Variants in RABGEF1 observed in about 807,000 individuals in gnomAD.
The protein encoded by RABGEF1 is rab5 GDP/GTP exchange factor.
Under a neutral mutation model 57.3 loss-of-function variants are expected in RABGEF1, and 26 were observed. The ratio of observed to expected loss-of-function variants is 0.45; its 90% confidence interval spans 0.33 to 0.63. The LOEUF (loss-of-function observed/expected upper bound fraction) is 0.63, where lower values mean the gene tolerates loss of function less well. RABGEF1 is among the 20% of genes least tolerant of loss of function. The pLI, the probability that RABGEF1 is intolerant of heterozygous loss-of-function variation, is 0.02. For missense variants in RABGEF1, 464 were observed against 607.6 expected, an observed-to-expected ratio of 0.76 and a Z score of 2.48; for synonymous variants, 185 against 210.7, an observed-to-expected ratio of 0.88 and a Z score of 1.06.
intron 1 of RABGEF1, among the ~76,000 whole-genome samples, chr7:66,759,501 C>T (rs1480036344): frequency 6.6e-6 from 1 of 152,128 alleles, no homozygotes; most frequent in Admixed American, 6.6e-5. Flanking sequence ...TTCGTTCATT[C>T]TCACGTAGTT....
At chr7:66,725,196 C>A (rs1796457392) in intron 2 of RABGEF1, among the ~76,000 whole-genome samples, 1 of 152,118 alleles carries the variant, frequency 6.6e-6, no homozygotes, top group South Asian at 2.1e-4. Context: ...ACAGCTTTAT[C>A]AAGATACACT....
intron 1 of RABGEF1, among the ~76,000 whole-genome samples, chr7:66,697,038 A>C (rs1333534473): frequency 1.3e-5 from 2 of 152,178 alleles, no homozygotes; most frequent in Admixed American, 1.3e-4. Context: ...CCCTGACCCC[A>C]TGCCCCAGGG....
At chr7:66,710,811 T>C (rs1201174881) in intron 1 of RABGEF1, among the ~76,000 whole-genome samples, 1 of 152,168 alleles carries the variant, frequency 6.6e-6, no homozygotes. Flanking sequence ...AAAGATTTTC[T>C]TTCTTGGGGC....
At chr7:66,773,746 A>C (rs138725838) in intron 2 of RABGEF1, 1 of 453,526 alleles carries the variant, frequency 2.2e-6, no homozygotes, top group Admixed American at 2.4e-5. Flanking sequence ...ACTTACTGCA[A>C]CCTCTGCTTC....
intron 1 of RABGEF1, among the ~76,000 whole-genome samples, chr7:66,685,315 A>G (rs1287150266): frequency 6.6e-6 from 1 of 151,926 alleles, no homozygotes; most frequent in Non-Finnish European, 1.5e-5. Flanking sequence ...CACCATGCCC[A>G]GCTAATTACT....
rs1272987585 is a variant in RABGEF1 at position 66,805,476 on chromosome 7, CGTGACAG to C, written c.1077+85_1077+91del. ...GGGGATGTGACAGGTCACTTAGGCCCGTGACAGGTGAATGCTTCTGTGTGAGAAGGCA... is the reference window on the plus strand; with the variant it reads ...GGGGATGTGACAGGTCACTTAGGCCCGTGAATGCTTCTGTGTGAGAAGGCA... On this transcript the variant is annotated intron_variant, in intron 8 of 8. Coordinates refer to ENST00000284957, the MANE Select transcript of RABGEF1 (RefSeq NM_014504.3). 8 of 1,568,996 alleles carry C rather than the reference CGTGACAG, an allele frequency of 5.1e-6. No homozygotes were observed. The Admixed American group carries it at 1.2e-4, about 23-fold the overall frequency.
intron 1 of RABGEF1, among the ~76,000 whole-genome samples, chr7:66,683,974 C>G (rs912964140): frequency 7.2e-5 from 11 of 152,138 alleles, no homozygotes; most frequent in Non-Finnish European, 1.2e-4. Context: ...TTCCTGGACT[C>G]AAGCCATTCT....
At chr7:66,804,087 T>TG (rs1787901305) in intron 7 of RABGEF1, among the ~76,000 whole-genome samples, 1 of 134,860 alleles carries the variant, frequency 7.4e-6, no homozygotes, top group African/African-American at 2.9e-5. Context: ...AGTAGCTGGA[T>TG]TTTTTTTTTT....
chr7:66,666,496 C>T, the RABGEF1 span, among the ~76,000 whole-genome samples: 24 of 152,304 alleles, frequency 1.6e-4, no homozygotes, highest in East Asian at 7.7e-4. Flanking sequence ...GGGTGCCCAC[C>T]GCACACCCCC....
chr7:66,701,517 T>C (rs201758679), intron 1 of RABGEF1, among the ~76,000 whole-genome samples: 2 of 149,164 alleles, frequency 1.3e-5, no homozygotes, highest in African/African-American at 4.9e-5. Context: ...TTTTTTTTTT[T>C]AATTTTTTGA....
chr7:66,675,662 C>T, the RABGEF1 span, among the ~76,000 whole-genome samples: 1 of 152,070 alleles, frequency 6.6e-6, no homozygotes, highest in Non-Finnish European at 1.5e-5. Flanking sequence ...ACGATGTGGT[C>T]TTATGTGTAG....
At chr7:66,756,860 T>C (rs1322719994) in intron 1 of RABGEF1, among the ~76,000 whole-genome samples, 5 of 152,218 alleles carry the variant, frequency 3.3e-5, no homozygotes, top group Admixed American at 1.3e-4. Flanking sequence ...AAATTTCCCC[T>C]TCCCCTCCTT....
chr7:66,782,150 A>C (rs916422579), intron 3 of RABGEF1, among the ~76,000 whole-genome samples: 1 of 152,230 alleles, frequency 6.6e-6, no homozygotes, highest in African/African-American at 2.4e-5. Flanking sequence ...TTTTCCATTG[A>C]GATAAAAAAT....
intron 7 of RABGEF1, among the ~76,000 whole-genome samples, chr7:66,803,082 A>G (rs1584270214): frequency 6.6e-6 from 1 of 152,246 alleles, no homozygotes; most frequent in Non-Finnish European, 1.5e-5. Flanking sequence ...AAAGAAAAAT[A>G]AATAGATCAA....
rs1791961156 is a variant in RABGEF1 at position 66,694,077 on chromosome 7, G to C, written c.-873+11819G>C. Among the ~76,000 whole-genome samples the C allele has an allele frequency of 2.0e-5, 3 of 152,222 alleles. No homozygotes were observed. The South Asian group carries it at 6.2e-4, about 32-fold the overall frequency. ...ACCCATCTGGGCCTCCCACAGTGCT[G>C]GGATTACAGGCGTGAGCCACTGCAC... is the stretch of plus-strand genomic sequence containing the variant. On this transcript the variant is annotated intron_variant and NMD_transcript_variant, in intron 1 of 9. Transcript: ENST00000607882.
the RABGEF1 span, among the ~76,000 whole-genome samples, chr7:66,672,613 G>A: frequency 4.6e-5 from 7 of 152,256 alleles, no homozygotes; most frequent in Admixed American, 3.9e-4. Flanking sequence ...GTGACCCCTA[G>A]CCATGTCCTT....
In RABGEF1 at chr7:66,775,174, C is replaced by T. The variant is rs1808229222; in HGVS notation, c.180-53C>T. ...TTAATGGAGTAATAACCTTCACATA[C>T]AGAGAAACCTTGGAGAATATCTAGG... On this transcript the variant is annotated intron_variant, in intron 2 of 8. Coordinates refer to ENST00000284957, the MANE Select transcript of RABGEF1 (RefSeq NM_014504.3). 10 of 1,544,982 alleles carry T rather than the reference C, an allele frequency of 6.5e-6. No individual in the cohort carries two copies. The South Asian group carries it at 9.9e-5, about 15-fold the overall frequency.
intron 2 of RABGEF1, among the ~76,000 whole-genome samples, chr7:66,735,111 T>C (rs1797797588): frequency 6.6e-6 from 1 of 152,230 alleles, no homozygotes; most frequent in Non-Finnish European, 1.5e-5. Context: ...TTTAACTTTA[T>C]AATCTGTCTG....
At chr7:66,785,973 C>A (rs1357765926) in intron 4 of RABGEF1, among the ~76,000 whole-genome samples, 1 of 152,118 alleles carries the variant, frequency 6.6e-6, no homozygotes, top group Non-Finnish European at 1.5e-5. Flanking sequence ...AGATGGTATC[C>A]TAAGGGCCTA....
Sources: allele counts gnomAD v4.1 joint callset (sites outside exome capture counted in the v4.1 genomes callset), GRCh38; gene constraint gnomAD v4.1.1; transcripts MANE v1.5; gene names NCBI Gene and HGNC (gene_info 2026-07-23, HGNC 2026-07-21).